Variants in MBNL1 observed in about 807,000 individuals in gnomAD.
MBNL1 encodes the protein muscleblind like splicing regulator 1.
MBNL1 carries 8 observed loss-of-function variants against 42.2 expected under a neutral mutation model. The ratio of observed to expected loss-of-function variants is 0.19; its 90% CI spans 0.11 to 0.34. The LOEUF (loss-of-function observed/expected upper bound fraction) is 0.34, where lower values mean the gene tolerates loss of function less well. Ranked by LOEUF, MBNL1 falls within the 10% of genes least tolerant of loss-of-function variation. The probability of loss-of-function intolerance (pLI) is 1.00; values close to 1 mark genes in which losing one functional copy is unlikely to be tolerated. For missense variants in MBNL1, 309 were observed against 495.3 expected, an observed-to-expected ratio of 0.62 and a Z score of 3.57; for synonymous variants, 169 against 173.9, an observed-to-expected ratio of 0.97 and a Z score of 0.22.
intron 2 of MBNL1, among the ~76,000 whole-genome samples, chr3:152,370,632 C>CT (rs2096616979): frequency 6.6e-6 from 1 of 152,174 alleles, no homozygotes; most frequent in East Asian, 1.9e-4. Context: ...GGGTGGGAGT[C>CT]TAAGTCTCTT....
intron 2 of MBNL1, among the ~76,000 whole-genome samples, chr3:152,309,747 C>T (rs1008311398): frequency 3.9e-5 from 6 of 152,088 alleles, no homozygotes; most frequent in Admixed American, 6.5e-5. Flanking sequence ...TGCATTCAGA[C>T]GATAATTTGC....
At chr3:152,342,553 AACACACACACACACAC>A (rs111644138) in intron 2 of MBNL1, among the ~76,000 whole-genome samples, 1 of 146,108 alleles carries the variant, frequency 6.8e-6, no homozygotes, top group Non-Finnish European at 1.5e-5. Context: ...AACTAAACAA[AACACACACACACACAC>A]ACACACACAC....
chr3:152,313,068 G>T (rs538800305), intron 2 of MBNL1, among the ~76,000 whole-genome samples: 16 of 151,922 alleles, frequency 1.1e-4, no homozygotes, highest in African/African-American at 3.9e-4. Context: ...TTTCACCCAG[G>T]CTGGAGTGCA....
rs553352465 is a variant in MBNL1, at chr3:152,281,412, G to C, written c.-790+12320G>C. On this transcript the variant is annotated intron_variant, in intron 1 of 9. Transcript: ENST00000324210. The stretch of plus-strand genomic sequence containing the variant: ...TGGAAAGACTCAGTGAAGAAGATAA[G>C]ATGTGGAAGAGGTTTTTTTTAAGCA... Among the ~76,000 whole-genome samples, 38 of 152,184 alleles carry C rather than the reference G, an allele frequency of 2.5e-4. No homozygotes were observed. The South Asian group carries it at 7.3e-3, about 29-fold the overall frequency.
Position 152,269,050 on chromosome 3 carries a change from C to T in MBNL1, c.-832C>T, listed in dbSNP as rs933771023. On this transcript the variant is annotated 5_prime_UTR_variant, in exon 1 of 10. Coordinates refer to ENST00000324210, the MANE Select transcript of MBNL1 (RefSeq NM_021038.5). ...CATGACTCCCACAATGCCTTGGGCA[C>T]TTGGTCGACAGTGGGGCCGCCTCTG... is the stretch of plus-strand genomic sequence containing the variant. 18 of 456,090 alleles carry T rather than the reference C, an allele frequency of 3.9e-5. No homozygotes were observed. Among genetic ancestry groups the T allele is most frequent in the African/African-American group, 3.6e-4 (18 of 50,162 alleles). The allele number at this position is 456,090 out of a possible 1,614,324, so 28.3% of individuals were successfully genotyped here. A position where few individuals can be genotyped will look rare whatever the true frequency, so the allele number is the denominator to read the frequency against.
chr3:152,368,633 T>C (rs2096532301), intron 2 of MBNL1, among the ~76,000 whole-genome samples: 1 of 152,246 alleles, frequency 6.6e-6, no homozygotes, highest in Admixed American at 6.5e-5. Flanking sequence ...TATTGATTCT[T>C]CCTTTCCATG....
chr3:152,356,360 T>C (rs564276204), intron 2 of MBNL1, among the ~76,000 whole-genome samples: 1 of 152,328 alleles, frequency 6.6e-6, no homozygotes, highest in South Asian at 2.1e-4. Flanking sequence ...ATTGTCTCTT[T>C]ATAAAATGTA....
At chr3:152,315,681 C>T (rs757448114) in intron 2 of MBNL1, among the ~76,000 whole-genome samples, 1 of 152,066 alleles carries the variant, frequency 6.6e-6, no homozygotes, top group African/African-American at 2.4e-5. Flanking sequence ...GATCATGGTG[C>T]CATGGTTCTC....
intron 2 of MBNL1, among the ~76,000 whole-genome samples, chr3:152,302,674 G>A (rs192037755): frequency 5.9e-5 from 9 of 152,210 alleles, no homozygotes; most frequent in African/African-American, 1.9e-4. Context: ...ATTTGGGAGC[G>A]TTATGAGGTT....
At position 152,445,503 on chromosome 3, in the gene MBNL1, TGCAGCTGCACAGGCTGCAGCCACC is replaced by T. The variant is rs1484855357; in HGVS notation, c.780_803del (p.Gln261_Ala268del). The T allele has an allele frequency of 1.9e-5, 30 of 1,610,876 alleles. No individual in the cohort carries two copies. Among genetic ancestry groups the T allele is most frequent in the Non-Finnish European group, 2.3e-5 (27 of 1,178,120 alleles). On this transcript the variant is annotated inframe_deletion, in exon 5 of 10. Transcript: ENST00000324210. The stretch of plus-strand genomic sequence containing the variant: ...CTGCCCAATACCAGGTCAACCAGGC[TGCAGCTGCACAGGCTGCAGCCACC>T]GCAGCTGCCATGGTGAGTAGAGATA...
chr3:152,300,130 CT>C lies in MBNL1; in HGVS notation c.-58del. ...CAGCTTTTTTTTTTTGGTTGTTGCT[CT>C]TTTTTGGGGGGGTTGGGTTTGTTGG... On this transcript the variant is annotated 5_prime_UTR_variant, in exon 2 of 10. Transcript: ENST00000324210. 9.4e-7 allele frequency: 1 copy of C among 1,062,966 alleles called. No homozygotes were observed. Among genetic ancestry groups the C allele is most frequent in the Non-Finnish European group, 1.3e-6 (1 of 757,842 alleles). The allele number at this position is 1,062,966 out of a possible 1,614,324, so 65.8% of individuals were successfully genotyped here. A position where few individuals can be genotyped will look rare whatever the true frequency, so the allele number is the denominator to read the frequency against.
At chr3:152,341,555 G>C (rs550194616) in intron 2 of MBNL1, among the ~76,000 whole-genome samples, 1 of 152,280 alleles carries the variant, frequency 6.6e-6, no homozygotes, top group African/African-American at 2.4e-5. Context: ...CATAAGACTA[G>C]TACTGCTCAA....
upstream of MBNL1, chr3:152,268,872 C>A (rs1007776374): frequency 4.4e-6 from 2 of 453,468 alleles, no homozygotes; most frequent in African/African-American, 4.0e-5. Context: ...GGAGGGGCCG[C>A]GCAGCAGCAG....
rs141806024 is a variant in MBNL1, at chr3:152,272,576, TAAAA to T, written c.-790+3492_-790+3495del. On this transcript the variant is annotated intron_variant, in intron 1 of 9. Transcript: ENST00000324210. ...TTTGCTAGAACTTTCTTTAGAAAGTTAAAAAAAAAAACCCATATCCAAAGTCCTG... is the reference window on the plus strand; with the variant it reads ...TTTGCTAGAACTTTCTTTAGAAAGTTAAAAAAACCCATATCCAAAGTCCTG... 1.1e-4 allele frequency among the ~76,000 whole-genome samples: 16 copies of T among 146,026 alleles called. No individual in the cohort carries two copies. In the South Asian group the frequency reaches 3.0e-3, roughly 28 times the overall value.
intron 4 of MBNL1, among the ~76,000 whole-genome samples, chr3:152,444,743 C>T (rs1031309051): frequency 5.9e-5 from 9 of 152,206 alleles, no homozygotes; most frequent in African/African-American, 2.2e-4. Flanking sequence ...GTGATAATAT[C>T]TCAGTCTGTC....
At chr3:152,401,420 A>C (rs1424788409) in intron 2 of MBNL1, among the ~76,000 whole-genome samples, 1 of 152,174 alleles carries the variant, frequency 6.6e-6, no homozygotes, top group Non-Finnish European at 1.5e-5. Flanking sequence ...TTTACTTTTA[A>C]TATCAACTCC....
intron 2 of MBNL1, among the ~76,000 whole-genome samples, chr3:152,360,433 C>T (rs543778056): frequency 3.9e-5 from 6 of 152,028 alleles, no homozygotes; most frequent in African/African-American, 1.4e-4. Context: ...ACAATCCCTC[C>T]CTGCCTGTGC....
intron 2 of MBNL1, among the ~76,000 whole-genome samples, chr3:152,331,452 C>G (rs1302388715): frequency 1.3e-5 from 2 of 152,128 alleles, no homozygotes; most frequent in Non-Finnish European, 2.9e-5. Flanking sequence ...GATGCTAGTT[C>G]ATATTCAGAT....
At chr3:152,330,876 C>T (rs1260206143) in intron 2 of MBNL1, among the ~76,000 whole-genome samples, 2 of 152,082 alleles carry the variant, frequency 1.3e-5, no homozygotes, top group Non-Finnish European at 2.9e-5. Flanking sequence ...TCCATGGTTT[C>T]AGGCATCCTC....
Sources: gnomAD v4.1 joint callset for allele counts (sites outside exome capture counted in the v4.1 genomes callset) on GRCh38, gnomAD v4.1.1 for gene constraint, MANE v1.5 for transcripts, NCBI Gene and HGNC (gene_info 2026-07-23, HGNC 2026-07-21) for gene names.